Variants in ZFP62 observed in about 807,000 individuals in gnomAD.
The protein encoded by ZFP62 is ZFP62 zinc finger protein.
A neutral mutation model predicts 56.4 loss-of-function variants in ZFP62; 44 were observed. The ratio of observed to expected loss-of-function variants is 0.78; its 90% CI spans 0.61 to 1.00. The LOEUF (loss-of-function observed/expected upper bound fraction) is 1.00, where lower values mean the gene tolerates loss of function less well. Ranked by LOEUF, ZFP62 falls within the 50% of genes least tolerant of loss-of-function variation. The pLI, the probability that ZFP62 is intolerant of heterozygous loss-of-function variation, is 0.00. For missense variants in ZFP62, 1,030 were observed against 1,085.7 expected, an observed-to-expected ratio of 0.95 and a Z score of 0.72; for synonymous variants, 421 against 388.9, an observed-to-expected ratio of 1.08 and a Z score of -0.97.
downstream of ZFP62, among the ~76,000 whole-genome samples, chr5:180,844,213 T>G (rs1252987164): frequency 6.6e-6 from 1 of 152,242 alleles, no homozygotes; most frequent in Non-Finnish European, 1.5e-5. Context: ...TGTACAAAAT[T>G]TTTATAAAGT....
intron 1 of ZFP62, among the ~76,000 whole-genome samples, chr5:180,856,051 G>A (rs558553204): frequency 2.0e-5 from 3 of 152,156 alleles, no homozygotes; most frequent in Non-Finnish European, 4.4e-5. Flanking sequence ...TGGATTATTC[G>A]TTTTCTTCCT....
chr5:180,850,193 T>C lies in ZFP62; in HGVS notation c.1302A>G (p.Ser434=), dbSNP rs1048417496. ...GAATAGTTCTGTGTTGAAGAAGTAG[T>C]GAGTTATAACTAAAGGATTTCCCAC... ...KECGKSFSYN[S]LLLQHRTIHT... is the part of the protein sequence containing the mutation. Residue 434 remains serine, a synonymous_variant, in exon 2 of 2, where the codon TCA becomes TCG. Coordinates refer to ENST00000502412, the MANE Select transcript of ZFP62 (RefSeq NM_001172638.2). 1 of 1,551,936 alleles carries C rather than the reference T, an allele frequency of 6.4e-7. No individual in the cohort carries two copies. The highest frequency in any genetic ancestry group is 8.7e-7 in the Non-Finnish European group (1 of 1,147,196).
At chr5:180,844,165 C>T (rs888464183), downstream of ZFP62, among the ~76,000 whole-genome samples, 2 of 152,170 alleles carry the variant, frequency 1.3e-5, no homozygotes, top group Non-Finnish European at 2.9e-5. Flanking sequence ...ATTCTTATCT[C>T]CTTCAACTTT....
At chr5:180,859,176 G>T (rs576174258) in intron 1 of ZFP62, among the ~76,000 whole-genome samples, 2 of 152,150 alleles carry the variant, frequency 1.3e-5, no homozygotes, top group Non-Finnish European at 2.9e-5. Context: ...AGCCCGGAAC[G>T]ACTTTCAATT....
At chr5:180,836,462 G>A in the ZFP62 span, among the ~76,000 whole-genome samples, 1 of 152,016 alleles carries the variant, frequency 6.6e-6, no homozygotes, top group Non-Finnish European at 1.5e-5. Flanking sequence ...CTCCCCTGTG[G>A]GTCTCTCAAT....
At chr5:180,852,048 G>T in intron 1 of ZFP62, 1 of 984,662 alleles carries the variant, frequency 1.0e-6, no homozygotes, top group Non-Finnish European at 1.2e-6. Flanking sequence ...GCAGAGATGA[G>T]GAAGAAGGCA....
rs766680457 is a variant in ZFP62 at position 180,850,451 on chromosome 5, A to G, written c.1044T>C (p.Tyr348=). The G allele has an allele frequency of 5.8e-6, 9 of 1,552,916 alleles. No individual in the cohort carries two copies. The South Asian group carries it at 8.3e-5, about 14-fold the overall frequency. ...CTTTATGCTGAATGAGAAGAGAGCTATAATTAAAAGATTTCTCACACTCAT... is the reference window on the plus strand; with the variant it reads ...CTTTATGCTGAATGAGAAGAGAGCTGTAATTAAAAGATTTCTCACACTCAT... ...KCDECEKSFN[Y]SSLLIQHKVI... The change falls in exon 2 of 2, where the codon TAT becomes TAC. Residue 348 remains tyrosine (Y), a synonymous_variant. Coordinates refer to ENST00000502412, the MANE Select transcript of ZFP62 (RefSeq NM_001172638.2).
chr5:180,836,737 C>T, the ZFP62 span, among the ~76,000 whole-genome samples: 2 of 152,174 alleles, frequency 1.3e-5, no homozygotes, highest in Non-Finnish European at 2.9e-5. Flanking sequence ...CCTTGGAAAG[C>T]GTTCTGTGTT....
intron 1 of ZFP62, chr5:180,852,062 T>C: frequency 1.0e-6 from 1 of 980,220 alleles, no homozygotes; most frequent in Non-Finnish European, 1.2e-6. Flanking sequence ...GAAGGCAACC[T>C]GCATATTAAA....
In ZFP62 at chr5:180,849,057, T is replaced by C. The variant is rs905636872; in HGVS notation, c.2438A>G (p.Tyr813Cys). ...HKSVHQGKQP[Y>C]NCECGKSFNY... ...GAAGGATTTCCCACACTCACAATTA[T>C]AGGGCTGCTTCCCCTGGTGGACACT... Residue 813 changes from tyrosine to cysteine, a missense_variant, in exon 2 of 2, where the codon TAT becomes TGT. Physicochemically the swap from Tyr to Cys is radical, Grantham distance 194. Coordinates refer to ENST00000502412, the MANE Select transcript of ZFP62 (RefSeq NM_001172638.2). The C allele has an allele frequency of 2.6e-6, 4 of 1,552,190 alleles. No individual in the cohort carries two copies. The highest frequency in any genetic ancestry group is 3.5e-6 in the Non-Finnish European group (4 of 1,147,172).
chr5:180,860,300 TTA>T (rs909757962), intron 1 of ZFP62, among the ~76,000 whole-genome samples: 2 of 152,252 alleles, frequency 1.3e-5, no homozygotes, highest in African/African-American at 4.8e-5. Flanking sequence ...TGGTAACTTT[TTA>T]TATTTTTAAT....
chr5:180,845,660 G>C, downstream of ZFP62: 1 of 964,766 alleles, frequency 1.0e-6, no homozygotes, highest in Non-Finnish European at 1.2e-6. Flanking sequence ...GAAATGAAGG[G>C]TCTCCCCAGC....
the ZFP62 span, among the ~76,000 whole-genome samples, chr5:180,829,602 C>T: frequency 2.0e-5 from 3 of 152,202 alleles, no homozygotes; most frequent in African/African-American, 7.2e-5. Context: ...TATCTGGCCC[C>T]TATCGGGTTC....
intron 1 of ZFP62, among the ~76,000 whole-genome samples, chr5:180,852,291 C>T (rs1252653138): frequency 6.6e-6 from 1 of 152,116 alleles, no homozygotes; most frequent in Non-Finnish European, 1.5e-5. Context: ...GGTGCAGTGG[C>T]TCACACCTGT....
chr5:180,852,584 G>A (rs1421965606), intron 1 of ZFP62, among the ~76,000 whole-genome samples: 7 of 147,464 alleles, frequency 4.7e-5, no homozygotes, highest in African/African-American at 1.7e-4. Flanking sequence ...GATACAATTA[G>A]ATCCCATTCT....
Position 180,848,653 on chromosome 5 carries a change from A to T in ZFP62, c.*139T>A. On this transcript the variant is annotated 3_prime_UTR_variant, in exon 2 of 2. Transcript: ENST00000502412. ...TTCTTGCTTGCTATGATTGAAAATC[A>T]CATAGAAAGGATTCCTCATAATCCT... is the stretch of plus-strand genomic sequence containing the variant. 1.4e-6 allele frequency: 2 copies of T among 1,379,338 alleles called. No homozygotes were observed. The highest frequency in any genetic ancestry group is 1.9e-6 in the Non-Finnish European group (2 of 1,066,996). 85.4% of individuals were successfully genotyped at this position (1,379,338 alleles called of 1,614,324 possible). A position where few individuals can be genotyped will look rare whatever the true frequency, so the allele number is the denominator to read the frequency against.
Position 180,849,333 on chromosome 5 carries a change from C to A in ZFP62, c.2162G>T (p.Arg721Ile), listed in dbSNP as rs1250178816. 2.6e-6 allele frequency: 4 copies of A among 1,551,634 alleles called. No homozygotes were observed. The highest frequency in any genetic ancestry group is 4.9e-5 in the East Asian group (2 of 40,870). ...FSSRTLISHK[R>I]VHLGEKPFKC... ...GAAGGGTTTCTCCCCAAGATGGACT[C>A]TTTTATGGCTTATAAGAGTTCTGCT... Residue 721 changes from arginine to isoleucine, a missense_variant, in exon 2 of 2, where the codon AGA becomes ATA. Coordinates refer to ENST00000502412, the MANE Select transcript of ZFP62 (RefSeq NM_001172638.2).
At chr5:180,859,159 T>C (rs765238888) in intron 1 of ZFP62, among the ~76,000 whole-genome samples, 2 of 152,162 alleles carry the variant, frequency 1.3e-5, no homozygotes, top group Non-Finnish European at 2.9e-5. Flanking sequence ...ATTAACAGAC[T>C]GCAACTAGCC....
At chr5:180,852,710 C>A (rs1452261528) in intron 1 of ZFP62, among the ~76,000 whole-genome samples, 2 of 152,120 alleles carry the variant, frequency 1.3e-5, no homozygotes, top group Non-Finnish European at 2.9e-5. Flanking sequence ...ATAGAGGAAG[C>A]TTTCTAATGA....
Sources: gnomAD v4.1 joint callset for allele counts (sites outside exome capture counted in the v4.1 genomes callset) on GRCh38, gnomAD v4.1.1 for gene constraint, MANE v1.5 for transcripts, NCBI Gene and HGNC (gene_info 2026-07-23, HGNC 2026-07-21) for gene names.